Variants in HS3ST4 observed in about 807,000 individuals in gnomAD.
HS3ST4 encodes heparan sulfate-glucosamine 3-sulfotransferase 4.
In HS3ST4, 17 loss-of-function variants were observed where a neutral mutation model predicts 29.2. That is an observed-to-expected ratio of 0.58 (90% CI 0.40 to 0.87). The LOEUF is 0.87. Ranked by LOEUF, HS3ST4 falls within the 40% of genes least tolerant of loss-of-function variation. The probability of loss-of-function intolerance (pLI) is 0.00; values close to 1 mark genes in which losing one functional copy is unlikely to be tolerated. For synonymous variants in HS3ST4, 314 were observed against 285.7 expected, an observed-to-expected ratio of 1.10 and a Z score of -1.00; for missense variants, 627 against 634.5, an observed-to-expected ratio of 0.99 and a Z score of 0.13.
intron 1 of HS3ST4, among the ~76,000 whole-genome samples, chr16:26,059,327 C>T (rs141899659): frequency 1.3e-5 from 2 of 152,018 alleles, no homozygotes; most frequent in African/African-American, 4.8e-5. Context: ...CCTTGCCTCT[C>T]TCTCTTTTTT....
chr16:26,004,064 C>T (rs553009267), intron 1 of HS3ST4, among the ~76,000 whole-genome samples: 4 of 152,132 alleles, frequency 2.6e-5, no homozygotes, highest in Non-Finnish European at 5.9e-5. Flanking sequence ...TACTGTTTGA[C>T]ATATATTTAC....
At chr16:25,922,344 C>T (rs115801732) in intron 1 of HS3ST4, among the ~76,000 whole-genome samples, 3,459 of 152,264 alleles carry the variant, frequency 0.023, 142 homozygotes, top group African/African-American at 0.08. Context: ...AGCTGCCTTG[C>T]TCTTTGTACC....
At chr16:26,085,166 G>A (rs1429579278) in intron 1 of HS3ST4, among the ~76,000 whole-genome samples, 2 of 152,158 alleles carry the variant, frequency 1.3e-5, no homozygotes, top group Non-Finnish European at 2.9e-5. Flanking sequence ...CCAGGATTTA[G>A]ATCCAGAAAA....
At chr16:25,825,336 T>G (rs1252961600) in intron 1 of HS3ST4, 1 of 152,262 alleles carries the variant, frequency 6.6e-6, no homozygotes, top group Non-Finnish European at 1.5e-5. Context: ...GTCAGCAGAT[T>G]GTGGTACTTT....
chr16:25,897,972 T>C (rs1262668020), intron 1 of HS3ST4, among the ~76,000 whole-genome samples: 1 of 152,156 alleles, frequency 6.6e-6, no homozygotes, highest in Non-Finnish European at 1.5e-5. Flanking sequence ...TTTTTATGTG[T>C]GTGTGCACTG....
At chr16:25,988,884 CAAAA>C (rs950677143) in intron 1 of HS3ST4, among the ~76,000 whole-genome samples, 1 of 150,566 alleles carries the variant, frequency 6.6e-6, no homozygotes. Context: ...AAACAAAACT[CAAAA>C]AAAAATTTAA....
chr16:25,987,349 C>CA (rs113401468), intron 1 of HS3ST4, among the ~76,000 whole-genome samples: 6,029 of 118,484 alleles, frequency 0.051, 323 homozygotes, highest in African/African-American at 0.15. Flanking sequence ...AACTCCAACT[C>CA]AAAAAAAAAA....
chr16:25,999,890 ATATATTT>A (rs1567290829), intron 1 of HS3ST4, among the ~76,000 whole-genome samples: 4 of 120,706 alleles, frequency 3.3e-5, no homozygotes, highest in African/African-American at 1.3e-4. Flanking sequence ...TATTATATAT[ATATATTT>A]TATATATATA....
chr16:26,098,970 C>T (rs972039433), intron 1 of HS3ST4, among the ~76,000 whole-genome samples: 7 of 152,102 alleles, frequency 4.6e-5, no homozygotes, highest in East Asian at 1.9e-4. Flanking sequence ...GGGCACTAAA[C>T]GACAGGTGTG....
chr16:25,967,024 C>T (rs577936289), intron 1 of HS3ST4, among the ~76,000 whole-genome samples: 2 of 152,330 alleles, frequency 1.3e-5, no homozygotes, highest in South Asian at 4.1e-4. Context: ...CAGCCTGGAC[C>T]TACAGATTGA....
chr16:26,121,092 G>A (rs1384649142), intron 1 of HS3ST4, among the ~76,000 whole-genome samples: 1 of 152,168 alleles, frequency 6.6e-6, no homozygotes, highest in Non-Finnish European at 1.5e-5. Flanking sequence ...TGTATAAAAT[G>A]GGAATTGTAT....
chr16:25,846,723 G>A (rs1009367018), intron 1 of HS3ST4, among the ~76,000 whole-genome samples: 4 of 151,814 alleles, frequency 2.6e-5, no homozygotes, highest in African/African-American at 9.7e-5. Context: ...CCATAGTTTT[G>A]ATTATATATA....
chr16:26,048,570 A>G (rs966093286), intron 1 of HS3ST4, among the ~76,000 whole-genome samples: 1 of 152,168 alleles, frequency 6.6e-6, no homozygotes, highest in African/African-American at 2.4e-5. Flanking sequence ...GAATCCCAGC[A>G]CTTTGGGAGG....
intron 1 of HS3ST4, among the ~76,000 whole-genome samples, chr16:25,920,167 T>C (rs1305190186): frequency 6.6e-6 from 1 of 152,178 alleles, no homozygotes; most frequent in African/African-American, 2.4e-5. Flanking sequence ...TAGGCCCCCA[T>C]CCTATTGTGT....
At chr16:25,867,709 T>C (rs1007000261) in intron 1 of HS3ST4, among the ~76,000 whole-genome samples, 2 of 152,116 alleles carry the variant, frequency 1.3e-5, no homozygotes, top group African/African-American at 2.4e-5. Context: ...TTGGCACATA[T>C]TGGGTGCTCA....
chr16:25,958,581 T>G (rs188449802), intron 1 of HS3ST4, among the ~76,000 whole-genome samples: 1 of 152,318 alleles, frequency 6.6e-6, no homozygotes, highest in Admixed American at 6.5e-5. Context: ...TCCACCTTCC[T>G]TGGCCTCCCA....
chr16:26,043,276 T>C (rs1969651565), intron 1 of HS3ST4, among the ~76,000 whole-genome samples: 1 of 152,186 alleles, frequency 6.6e-6, no homozygotes, highest in Non-Finnish European at 1.5e-5. Context: ...AATCTATTTA[T>C]GGAGGGTTTC....
intron 1 of HS3ST4, among the ~76,000 whole-genome samples, chr16:25,855,482 T>C (rs963440718): frequency 1.3e-5 from 2 of 152,160 alleles, no homozygotes; most frequent in Admixed American, 1.3e-4. Context: ...TAGAGTAAAA[T>C]ATTTTGATTT....
intron 1 of HS3ST4, among the ~76,000 whole-genome samples, chr16:26,086,777 A>T (rs1417806493): frequency 6.6e-6 from 1 of 152,196 alleles, no homozygotes; most frequent in Non-Finnish European, 1.5e-5. Context: ...CTCTTCCTTC[A>T]TTCACTTCTG....
Sources: allele counts gnomAD v4.1 joint callset (sites outside exome capture counted in the v4.1 genomes callset), GRCh38; gene constraint gnomAD v4.1.1; transcripts MANE v1.5; gene names NCBI Gene and HGNC (gene_info 2026-07-23, HGNC 2026-07-21).